Variants in GLT8D2 observed in about 807,000 individuals in gnomAD.
GLT8D2 encodes glycosyltransferase 8 domain containing 2, also known as glycosyltransferase 8 domain-containing protein 2.
Under a neutral mutation model 44.5 loss-of-function variants are expected in GLT8D2, and 45 were observed. The observed-to-expected ratio is 1.01, with a 90% CI of 0.80 to 1.30. The LOEUF is 1.30. Ranked by LOEUF, GLT8D2 falls within the 50% of genes most tolerant of loss-of-function variation. The pLI, the probability that GLT8D2 is intolerant of heterozygous loss-of-function variation, is 0.00. For missense variants in GLT8D2, 400 were observed against 430.4 expected (o/e 0.93, Z 0.62); for synonymous variants, 156 against 157.2 (o/e 0.99, Z 0.06).
chr12:104,039,208 G>A (rs563272371), intron 1 of GLT8D2, among the ~76,000 whole-genome samples: 1 of 152,134 alleles, frequency 6.6e-6, no homozygotes, highest in South Asian at 2.1e-4. Flanking sequence ...GAAAACCTAG[G>A]CAATACCATT....
At chr12:104,045,937 A>AAGAAAGAG (rs68019401) in intron 1 of GLT8D2, among the ~76,000 whole-genome samples, 3,630 of 113,612 alleles carry the variant, frequency 0.032, 105 homozygotes, top group East Asian at 0.15. Context: ...GAAAGAAAGA[A>AAGAAAGAG]AAAGAAAGAA....
chr12:104,000,120 CAAAAT>C (rs1196352965), intron 5 of GLT8D2, among the ~76,000 whole-genome samples: 1 of 151,842 alleles, frequency 6.6e-6, no homozygotes, highest in Admixed American at 6.6e-5. Context: ...GAAATAATCT[CAAAAT>C]AAAATGTCGA....
At chr12:103,993,096 C>T (rs977285486) in intron 10 of GLT8D2, among the ~76,000 whole-genome samples, 1 of 152,090 alleles carries the variant, frequency 6.6e-6, no homozygotes, top group Non-Finnish European at 1.5e-5. Context: ...TTTGGGAGGC[C>T]GAAATGGGTG....
intron 5 of GLT8D2, among the ~76,000 whole-genome samples, chr12:104,002,189 TC>T (rs1874307951): frequency 6.6e-6 from 1 of 152,294 alleles, no homozygotes; most frequent in African/African-American, 2.4e-5. Flanking sequence ...TCGAGCCTGA[TC>T]CCAAGTCATC....
intron 4 of GLT8D2, among the ~76,000 whole-genome samples, chr12:104,010,334 T>C (rs755871806): frequency 5.3e-4 from 81 of 152,230 alleles, no homozygotes; most frequent in Non-Finnish European, 8.5e-4. Context: ...CACATGATGT[T>C]CCTTCCCAAT....
intron 5 of GLT8D2, among the ~76,000 whole-genome samples, chr12:104,001,380 A>G (rs1056032480): frequency 6.6e-6 from 1 of 152,232 alleles, no homozygotes; most frequent in Non-Finnish European, 1.5e-5. Context: ...GAATTTTTGT[A>G]GCACAGATTC....
At chr12:104,061,581 T>C (rs1340068436) in intron 1 of GLT8D2, among the ~76,000 whole-genome samples, 12 of 152,208 alleles carry the variant, frequency 7.9e-5, no homozygotes. Flanking sequence ...ATGTTATGTA[T>C]GTGACATAGA....
intron 1 of GLT8D2, among the ~76,000 whole-genome samples, chr12:104,057,577 A>G (rs1256214141): frequency 1.3e-5 from 2 of 152,044 alleles, no homozygotes; most frequent in Non-Finnish European, 2.9e-5. Context: ...ATGGCATAAT[A>G]AAGAAATATT....
chr12:104,030,717 A>C, intron 1 of GLT8D2: 1 of 1,610,084 alleles, frequency 6.2e-7, no homozygotes, highest in Non-Finnish European at 8.5e-7. Context: ...TTGATTTAAA[A>C]ATAGGCAAAG....
At chr12:104,031,587 C>A in intron 1 of GLT8D2, 1 of 1,606,968 alleles carries the variant, frequency 6.2e-7, no homozygotes, top group Non-Finnish European at 8.5e-7. Context: ...CCCTCCCTGC[C>A]CATCTTGTCC....
At chr12:104,010,295 T>C (rs1228670533) in intron 4 of GLT8D2, among the ~76,000 whole-genome samples, 3 of 152,228 alleles carry the variant, frequency 2.0e-5, no homozygotes, top group Admixed American at 6.5e-5. Context: ...CGTGGTTCCC[T>C]GAACACTACT....
At chr12:104,035,412 A>C (rs926712942) in intron 1 of GLT8D2, among the ~76,000 whole-genome samples, 1 of 152,184 alleles carries the variant, frequency 6.6e-6, no homozygotes, top group African/African-American at 2.4e-5. Flanking sequence ...AGGAAGCTAA[A>C]AACCTTGAAA....
At chr12:104,004,129 C>G (rs1874629124) in intron 4 of GLT8D2, among the ~76,000 whole-genome samples, 1 of 152,016 alleles carries the variant, frequency 6.6e-6, no homozygotes, top group South Asian at 2.1e-4. Context: ...AGACAAAAAC[C>G]CCATGATTAT....
chr12:104,020,331 C>A (rs192204347), intron 2 of GLT8D2, among the ~76,000 whole-genome samples: 1 of 152,210 alleles, frequency 6.6e-6, no homozygotes, highest in East Asian at 1.9e-4. Flanking sequence ...TCTAAAATAT[C>A]AACCCTATGC....
intron 1 of GLT8D2, among the ~76,000 whole-genome samples, chr12:104,062,999 C>A (rs1882807205): frequency 6.6e-6 from 1 of 152,044 alleles, no homozygotes; most frequent in Non-Finnish European, 1.5e-5. Flanking sequence ...TAGGAGGGAT[C>A]TAAATTGTGT....
At chr12:104,046,534 A>G (rs1881169438) in intron 1 of GLT8D2, among the ~76,000 whole-genome samples, 1 of 152,228 alleles carries the variant, frequency 6.6e-6, no homozygotes, top group Non-Finnish European at 1.5e-5. Context: ...TTCCATCGCT[A>G]TGGTTGCTAT....
rs1315487906 is a variant in GLT8D2, at chr12:104,006,582, T to C, written c.113-3276A>G. 3.9e-5 allele frequency among the ~76,000 whole-genome samples: 6 copies of C among 152,144 alleles called. No homozygotes were observed. The East Asian group carries it at 1.2e-3, about 29-fold the overall frequency. On this transcript the variant is annotated intron_variant, in intron 4 of 10. Coordinates refer to ENST00000360814, the MANE Select transcript of GLT8D2 (RefSeq NM_001384711.1). Reference sequence around the variant, plus strand: ...TGCATGCCTCAGGACCTTTTAGACCTCCTCTCCTCTTCCATCAATCACCTA... The same window carrying C: ...TGCATGCCTCAGGACCTTTTAGACCCCCTCTCCTCTTCCATCAATCACCTA...
In GLT8D2 at chr12:104,024,239, C is replaced by CA. The variant is rs201897810; in HGVS notation, c.-163-2749dup. ...CTGTATGAAAGCAAAACAAAACAAA[C>CA]AAAAAAACCCTCAAAAAACAAATGT... On this transcript the variant is annotated intron_variant, in intron 1 of 10. Transcript: ENST00000360814. 9.7e-3 allele frequency among the ~76,000 whole-genome samples: 1,478 copies of CA among 151,952 alleles called. 10 individuals carry two copies. Among genetic ancestry groups the CA allele is most frequent in the Non-Finnish European group, 0.013 (908 of 67,938 alleles).
intron 1 of GLT8D2, among the ~76,000 whole-genome samples, chr12:104,025,261 T>C (rs933760157): frequency 1.3e-5 from 2 of 151,982 alleles, no homozygotes; most frequent in African/African-American, 4.8e-5. Context: ...CAGGCTCAAG[T>C]ACAGTGGTAT....
Sources: gnomAD v4.1 joint callset for allele counts (sites outside exome capture counted in the v4.1 genomes callset) on GRCh38, gnomAD v4.1.1 for gene constraint, MANE v1.5 for transcripts, NCBI Gene and HGNC (gene_info 2026-07-23, HGNC 2026-07-21) for gene names.